The following NCOR1 variants were observed in gnomAD, a reference collection of about 807,000 sequenced individuals.
The protein encoded by NCOR1 is nuclear receptor corepressor 1, also known as protein phosphatase 1, regulatory subunit 109.
In NCOR1, 63 loss-of-function variants were observed where a neutral mutation model predicts 288.1. The observed-to-expected ratio is 0.22, with a 90% confidence interval of 0.18 to 0.27. The LOEUF (loss-of-function observed/expected upper bound fraction) is 0.27. Among genes scored for constraint, NCOR1 ranks in the 10% least tolerant of loss-of-function variants. NCOR1 has a pLI of 1.00. For missense variants in NCOR1, 2,397 were observed against 3,019.2 expected, an observed-to-expected ratio of 0.79 and a Z score of 4.83; for synonymous variants, 1,007 against 1,065.9, an observed-to-expected ratio of 0.94 and a Z score of 1.08.
intron 22 of NCOR1, chr17:16,087,226 T>C: frequency 2.3e-6 from 3 of 1,304,304 alleles, no homozygotes; most frequent in Non-Finnish European, 3.0e-6. Flanking sequence ...GCGGCTTTAC[T>C]GACTTCTCTT....
At chr17:16,065,435 C>T (rs1297121629) in intron 33 of NCOR1, 50 bp downstream of exon 33, 1 of 1,558,504 alleles carries the variant, frequency 6.4e-7, no homozygotes. Context: ...CTAAGAAACA[C>T]TAGGTAAACA....
intron 15 of NCOR1, 133 bp from the exon 16 acceptor site, chr17:16,121,402 AT>A: frequency 1.5e-6 from 1 of 679,256 alleles, no homozygotes; most frequent in Non-Finnish European, 2.3e-6. Context: ...AAAAAAAATT[AT>A]CAACAATTCT....
At chr17:16,167,776 C>G (rs964215647) in intron 4 of NCOR1, among the ~76,000 whole-genome samples, 13 of 144,988 alleles carry the variant, frequency 9.0e-5, no homozygotes, top group Non-Finnish European at 1.6e-4. Context: ...AGGAGAATGG[C>G]TTGAACCCGG....
chr17:16,077,666 T>C (rs1399876532), intron 26 of NCOR1, among the ~76,000 whole-genome samples: 1 of 151,546 alleles, frequency 6.6e-6, no homozygotes, highest in Non-Finnish European at 1.5e-5. Flanking sequence ...AGAAAGAAAA[T>C]GCTTTCTAAG....
intron 19 of NCOR1, among the ~76,000 whole-genome samples, chr17:16,103,455 A>G (rs141112639): frequency 1.1e-4 from 17 of 152,342 alleles, no homozygotes; most frequent in Non-Finnish European, 1.9e-4. Context: ...TCTCACTCTC[A>G]TAACTTTTCA....
intron 8 of NCOR1, among the ~76,000 whole-genome samples, chr17:16,151,001 T>G (rs932466480): frequency 6.6e-6 from 1 of 151,636 alleles, no homozygotes; most frequent in Non-Finnish European, 1.5e-5. Context: ...TAGTCAATAA[T>G]TGCACATACT....
chr17:16,098,423 G>C lies in NCOR1; in HGVS notation c.2764C>G (p.Pro922Ala), dbSNP rs1316262052. 6.2e-7 allele frequency: 1 copy of C among 1,614,062 alleles called. No individual in the cohort carries two copies. Among genetic ancestry groups the C allele is most frequent in the Admixed American group, 1.7e-5 (1 of 60,014 alleles). ...AGCTGTGGCAGATCCAGTGGATTTG[G>C]TTTTAACGGAGATGAGACGAGTATA... is the stretch of plus-strand genomic sequence containing the variant. ...GSILVSSPLK[P>A]NPLDLPQLQH... Residue 922 changes from proline to alanine, a missense_variant, in exon 21 of 46, where the codon CCA becomes GCA. This residue lies in a region of NCOR1 where 1,872 missense variants were observed against 2,187.8 expected (regional missense o/e 0.86). Transcript: ENST00000268712.
At chr17:16,139,504 ACT>A (rs1266484713) in intron 11 of NCOR1, among the ~76,000 whole-genome samples, 3 of 152,238 alleles carry the variant, frequency 2.0e-5, no homozygotes, top group African/African-American at 7.2e-5. Flanking sequence ...TGTCAAGTTC[ACT>A]GAAGTGGTGA....
At chr17:16,063,894 G>T (rs1471003940) in intron 35 of NCOR1, among the ~76,000 whole-genome samples, 174 bp downstream of exon 35, 1 of 152,158 alleles carries the variant, frequency 6.6e-6, no homozygotes, top group Non-Finnish European at 1.5e-5. Flanking sequence ...TAAAATTCAC[G>T]TTTCCACCAT....
chr17:16,118,137 G>T, intron 17 of NCOR1, 110 bp from the exon 18 acceptor site: 1 of 1,116,602 alleles, frequency 9.0e-7, no homozygotes, highest in Non-Finnish European at 1.3e-6. Context: ...GACACTAGAA[G>T]TGTGCTTTCA....
At chr17:16,169,232 T>A (rs2082644371) in intron 4 of NCOR1, among the ~76,000 whole-genome samples, 1 of 151,998 alleles carries the variant, frequency 6.6e-6, no homozygotes, top group Non-Finnish European at 1.5e-5. Context: ...ACACACTGCC[T>A]TATGGGTTAG....
At chr17:16,116,154 G>A (rs543241355) in intron 18 of NCOR1, among the ~76,000 whole-genome samples, 13 of 152,236 alleles carry the variant, frequency 8.5e-5, no homozygotes, top group African/African-American at 2.2e-4. Flanking sequence ...ACTATCACGA[G>A]AATAGCATGA....
intron 42 of NCOR1, among the ~76,000 whole-genome samples, chr17:16,042,846 A>C (rs1233219067): frequency 1.3e-5 from 2 of 152,224 alleles, no homozygotes; most frequent in Non-Finnish European, 2.9e-5. Context: ...AGAAGTAATG[A>C]GGTCTGCAAA....
rs1368665272 is a variant in NCOR1 at position 16,137,368 on chromosome 17, A to G, written c.1452T>C (p.Asn484=). 2 of 1,600,204 alleles carry G rather than the reference A, an allele frequency of 1.2e-6. No homozygotes were observed. Among genetic ancestry groups the G allele is most frequent in the Non-Finnish European group, 1.7e-6 (2 of 1,172,176 alleles). Reference sequence around the variant, plus strand: ...TTCTGACGAGGGCTTTATAATTCTCATTTTTCTTGGTTAAATAGTAATACA... The same window carrying G: ...TTCTGACGAGGGCTTTATAATTCTCGTTTTTCTTGGTTAAATAGTAATACA... ...CVLYYYLTKK[N]ENYKALVRRN... is the part of the protein sequence containing the mutation. The change falls in exon 14 of 46, where the codon AAT becomes AAC. Residue 484 remains asparagine, a synonymous_variant. Transcript: ENST00000268712.
rs567764009 is a variant in NCOR1, at chr17:16,055,751, A to C, written c.6392+1763T>G. Among the ~76,000 whole-genome samples, 21 of 152,370 alleles carry C rather than the reference A, an allele frequency of 1.4e-4. No homozygotes were observed. In the South Asian group the frequency reaches 4.1e-3, roughly 30 times the overall value. The stretch of plus-strand genomic sequence containing the variant: ...CACCACAGATTGTGCAAACATTTTC[A>C]TCAGGAATGGACCATGACAATGCTA... On this transcript the variant is annotated intron_variant, in intron 40 of 45. Coordinates refer to ENST00000268712, the MANE Select transcript of NCOR1 (RefSeq NM_006311.4).
Position 16,208,293 on chromosome 17 carries a change from C to T in NCOR1, c.-71+7069G>A, listed in dbSNP as rs569063896. Among the ~76,000 whole-genome samples the T allele has an allele frequency of 2.0e-3, 292 of 144,690 alleles. 2 individuals carry two copies. Among genetic ancestry groups the T allele is most frequent in the African/African-American group, 7.2e-3 (277 of 38,482 alleles). 94.9% of individuals were successfully genotyped at this position (144,690 alleles called of 152,430 possible). The stretch of plus-strand genomic sequence containing the variant: ...CAGAATGGTCTCGATCTCTTGACCT[C>T]GTGATCCACCTGCCTTGGCCTCCCA... On this transcript the variant is annotated intron_variant, in intron 1 of 45. Coordinates refer to ENST00000268712, the MANE Select transcript of NCOR1 (RefSeq NM_006311.4).
rs558058011 is a variant in NCOR1, at chr17:16,099,770, C to T, written c.2691-1274G>A. 4.6e-5 allele frequency among the ~76,000 whole-genome samples: 7 copies of T among 152,268 alleles called. No individual in the cohort carries two copies. In the East Asian group the frequency reaches 9.6e-4, roughly 21 times the overall value. ...CACCATTAAAATAAAATCTAGATTA[C>T]TCTGAGGTGAAAGAAAAAGAGTGAT... On this transcript the variant is annotated intron_variant, in intron 20 of 45. Transcript: ENST00000268712.
intron 14 of NCOR1, among the ~76,000 whole-genome samples, chr17:16,132,029 T>G (rs958535701): frequency 1.3e-5 from 2 of 152,238 alleles, no homozygotes; most frequent in African/African-American, 4.8e-5. Flanking sequence ...TATAATAAAC[T>G]TCTTAACTTG....
At chr17:16,148,210 T>C (rs2078292327) in intron 9 of NCOR1, among the ~76,000 whole-genome samples, 1 of 152,140 alleles carries the variant, frequency 6.6e-6, no homozygotes, top group South Asian at 2.1e-4. Context: ...GCAGCCTCAT[T>C]TCTCACCACA....
Sources: gnomAD v4.1 joint callset for allele counts (sites outside exome capture counted in the v4.1 genomes callset) on GRCh38, gnomAD v4.1.1 for gene constraint, gnomAD v4.1.1 regional missense constraint, MANE v1.5 for transcripts, NCBI Gene and HGNC (gene_info 2026-07-23, HGNC 2026-07-21) for gene names.